Variants in MAPRE2 observed in about 807,000 individuals in gnomAD.
MAPRE2 encodes the protein microtubule associated protein RP/EB family member 2, also known as microtubule-associated protein RP/EB family member 2.
Under a neutral mutation model 43.2 loss-of-function variants are expected in MAPRE2, and 13 were observed. The observed-to-expected ratio is 0.30, with a 90% CI of 0.20 to 0.48. The LOEUF is 0.48. Among genes scored for constraint, MAPRE2 ranks in the 20% least tolerant of loss-of-function variants. The pLI is 0.99. For synonymous variants in MAPRE2, 135 were observed against 148.8 expected, an observed-to-expected ratio of 0.91 and a Z score of 0.68; for missense variants, 161 against 400.2, an observed-to-expected ratio of 0.40 and a Z score of 5.10.
At chr18:35,004,302 T>C (rs1484714350) in intron 1 of MAPRE2, among the ~76,000 whole-genome samples, 2 of 152,208 alleles carry the variant, frequency 1.3e-5, no homozygotes, top group Non-Finnish European at 1.5e-5. Context: ...TTTTACACAA[T>C]GATTTTAAGC....
At chr18:35,027,364 G>C (rs1332592037) in intron 2 of MAPRE2, among the ~76,000 whole-genome samples, 1 of 152,124 alleles carries the variant, frequency 6.6e-6, no homozygotes, top group Non-Finnish European at 1.5e-5. Context: ...TGCTCATTAG[G>C]GATGCTTGTG....
intron 2 of MAPRE2, among the ~76,000 whole-genome samples, chr18:35,009,687 G>A (rs1206812094): frequency 6.6e-6 from 1 of 152,208 alleles, no homozygotes; most frequent in African/African-American, 2.4e-5. Context: ...ACGGAGGATA[G>A]GCCTGGGATC....
At chr18:35,112,701 T>C (rs1282121702) in intron 4 of MAPRE2, among the ~76,000 whole-genome samples, 4 of 152,222 alleles carry the variant, frequency 2.6e-5, no homozygotes, top group Non-Finnish European at 5.9e-5. Flanking sequence ...GTGGTTTTTT[T>C]CTTCTGATTA....
intron 2 of MAPRE2, among the ~76,000 whole-genome samples, chr18:35,013,461 T>C (rs2097036101): frequency 6.6e-6 from 1 of 152,214 alleles, no homozygotes; most frequent in African/African-American, 2.4e-5. Context: ...ATAATGTAAG[T>C]AATTATATCA....
rs551488660 is a variant in MAPRE2, at chr18:35,053,165, G to A, written c.122+11504G>A. 7.4e-4 allele frequency among the ~76,000 whole-genome samples: 112 copies of A among 152,172 alleles called. 1 individual carries two copies. Among genetic ancestry groups the A allele is most frequent in the Non-Finnish European group, 1.5e-3 (101 of 67,996 alleles). On this transcript the variant is annotated intron_variant, in intron 1 of 6. Coordinates refer to ENST00000300249, the MANE Select transcript of MAPRE2 (RefSeq NM_014268.4). The stretch of plus-strand genomic sequence containing the variant: ...TCCCAGCACTTTGGGAGGCTGAGGT[G>A]GGTGGATCACTTGAGGTCAGGAGTT...
intron 2 of MAPRE2, among the ~76,000 whole-genome samples, chr18:35,091,208 T>G (rs1424316200): frequency 1.3e-5 from 2 of 152,304 alleles, no homozygotes; most frequent in Admixed American, 6.5e-5. Flanking sequence ...ATACCACAAG[T>G]GAAAAATCCA....
intron 1 of MAPRE2, among the ~76,000 whole-genome samples, chr18:35,003,706 G>T (rs1056718548): frequency 2.6e-5 from 4 of 152,162 alleles, no homozygotes; most frequent in African/African-American, 7.2e-5. Flanking sequence ...GGCTTGCACA[G>T]CTACTGGGTA....
Position 35,041,606 on chromosome 18 carries a change from A to G in MAPRE2, c.67A>G (p.Asn23Asp). The change falls in exon 1 of 7, where the codon AAC (asparagine) becomes GAC (aspartate). Residue 23 changes from asparagine to aspartate, a missense_variant. Coordinates refer to ENST00000300249, the MANE Select transcript of MAPRE2 (RefSeq NM_014268.4). ...CAACAACGACATCATCCAGGATAAT[A>G]ACGGGACCATCATTCCTTTCCGGAA... ...ENNNDIIQDN[N>D]GTIIPFRKHT... The G allele has an allele frequency of 1.2e-6, 2 of 1,614,190 alleles. No homozygotes were observed. The highest frequency in any genetic ancestry group is 1.7e-6 in the Non-Finnish European group (2 of 1,180,042).
chr18:35,115,121 C>G (rs1909352835), intron 4 of MAPRE2, among the ~76,000 whole-genome samples: 1 of 152,158 alleles, frequency 6.6e-6, no homozygotes, highest in Non-Finnish European at 1.5e-5. Flanking sequence ...TATAACTCAA[C>G]TTTGTCTTGC....
At chr18:35,099,236 A>G (rs1180628147) in intron 3 of MAPRE2, among the ~76,000 whole-genome samples, 3 of 152,236 alleles carry the variant, frequency 2.0e-5, no homozygotes, top group African/African-American at 7.2e-5. Flanking sequence ...AAAAGCCTCT[A>G]AAAAGTTGAT....
intron 6 of MAPRE2, among the ~76,000 whole-genome samples, chr18:35,133,793 G>A (rs1237782245): frequency 1.3e-5 from 2 of 152,142 alleles, no homozygotes; most frequent in East Asian, 1.9e-4. Flanking sequence ...GGCTAAGATA[G>A]GTGGACAGCC....
At chr18:35,021,506 G>T (rs924993839) in intron 2 of MAPRE2, among the ~76,000 whole-genome samples, 3 of 152,066 alleles carry the variant, frequency 2.0e-5, no homozygotes, top group African/African-American at 7.2e-5. Flanking sequence ...TCAGAGAATA[G>T]AAGAAAACGT....
chr18:35,005,645 C>A, intron 2 of MAPRE2: 1 of 753,278 alleles, frequency 1.3e-6, no homozygotes, highest in South Asian at 2.5e-5. Flanking sequence ...AATTTATTTT[C>A]AAAATTCCAG....
At chr18:35,037,740 CT>C (rs2150595924), upstream of MAPRE2, among the ~76,000 whole-genome samples, 1 of 152,148 alleles carries the variant, frequency 6.6e-6, no homozygotes, top group East Asian at 1.9e-4. Context: ...TAGTCTTAAA[CT>C]TGCTAGTTCA....
intron 4 of MAPRE2, among the ~76,000 whole-genome samples, chr18:35,117,832 G>A (rs970948151): frequency 6.6e-6 from 1 of 152,108 alleles, no homozygotes; most frequent in Non-Finnish European, 1.5e-5. Flanking sequence ...AAGATGCGAG[G>A]GGTGAAAAGT....
At chr18:35,053,431 T>C (rs1906053803) in intron 1 of MAPRE2, among the ~76,000 whole-genome samples, 1 of 151,718 alleles carries the variant, frequency 6.6e-6, no homozygotes, top group African/African-American at 2.4e-5. Context: ...CAGTATTTAA[T>C]ATGTAAATAG....
At chr18:35,052,417 G>T (rs1245231398) in intron 1 of MAPRE2, among the ~76,000 whole-genome samples, 2 of 152,196 alleles carry the variant, frequency 1.3e-5, no homozygotes, top group African/African-American at 4.8e-5. Flanking sequence ...CTTTATTGCT[G>T]AGTAGTATTT....
At chr18:35,119,606 G>C (rs1909579725) in intron 4 of MAPRE2, among the ~76,000 whole-genome samples, 2 of 152,166 alleles carry the variant, frequency 1.3e-5, no homozygotes. Context: ...TTTAGAAGAA[G>C]CACAGACGGA....
chr18:35,071,176 A>G (rs1039731555), intron 2 of MAPRE2, among the ~76,000 whole-genome samples: 2 of 152,220 alleles, frequency 1.3e-5, no homozygotes, highest in African/African-American at 4.8e-5. Flanking sequence ...TCTTTAAAAA[A>G]TAAAAATATT....
Sources: gnomAD v4.1 joint callset for allele counts (sites outside exome capture counted in the v4.1 genomes callset) on GRCh38, gnomAD v4.1.1 for gene constraint, MANE v1.5 for transcripts, NCBI Gene and HGNC (gene_info 2026-07-23, HGNC 2026-07-21) for gene names.